KCNK13: variants seen among roughly 807,000 people sequenced by gnomAD.
KCNK13 encodes the protein potassium two pore domain channel subfamily K member 13, also known as potassium channel subfamily K member 13.
In KCNK13, 12 loss-of-function variants were observed where a neutral mutation model predicts 23.4. The ratio of observed to expected loss-of-function variants is 0.51; its 90% CI spans 0.33 to 0.83. KCNK13 has a LOEUF of 0.83. Among genes scored for constraint, KCNK13 ranks in the 40% least tolerant of loss-of-function variants. KCNK13 has a pLI of 0.02. For synonymous variants in KCNK13, 231 were observed against 229.5 expected, an observed-to-expected ratio of 1.01 and a Z score of -0.06; for missense variants, 463 against 556.3, an observed-to-expected ratio of 0.83 and a Z score of 1.69.
At chr14:90,179,831 T>C (rs1890465647) in intron 1 of KCNK13, among the ~76,000 whole-genome samples, 1 of 152,220 alleles carries the variant, frequency 6.6e-6, no homozygotes, top group South Asian at 2.1e-4. Context: ...ATATCATTTG[T>C]TGGAAGAGAC....
intron 1 of KCNK13, among the ~76,000 whole-genome samples, chr14:90,088,194 G>A (rs1051484495): frequency 5.9e-5 from 9 of 151,902 alleles, no homozygotes; most frequent in African/African-American, 2.2e-4. Context: ...GTAGAGACAG[G>A]GTTTCACCAT....
intron 1 of KCNK13, among the ~76,000 whole-genome samples, chr14:90,111,338 C>CTTA (rs1303591562): frequency 6.6e-6 from 1 of 152,170 alleles, no homozygotes; most frequent in Admixed American, 6.5e-5. Flanking sequence ...GCTCAAGCCA[C>CTTA]TTATACATTT....
At chr14:90,162,166 C>G (rs1482724595) in intron 1 of KCNK13, among the ~76,000 whole-genome samples, 1 of 152,106 alleles carries the variant, frequency 6.6e-6, no homozygotes, top group Non-Finnish European at 1.5e-5. Context: ...GCAACAGAGT[C>G]AGACCCTCTC....
intron 1 of KCNK13, among the ~76,000 whole-genome samples, chr14:90,179,441 G>T (rs1285336826): frequency 6.6e-6 from 1 of 152,158 alleles, no homozygotes. Context: ...GTTCTGTGGG[G>T]GTGGACTGGG....
chr14:90,126,441 A>G (rs1889801044), intron 1 of KCNK13, among the ~76,000 whole-genome samples: 1 of 123,194 alleles, frequency 8.1e-6, no homozygotes, highest in African/African-American at 3.0e-5. Context: ...ATGTGACGTG[A>G]TGTGACGTGA....
chr14:90,158,048 G>A (rs902696835), intron 1 of KCNK13, among the ~76,000 whole-genome samples: 2 of 152,166 alleles, frequency 1.3e-5, no homozygotes, highest in African/African-American at 2.4e-5. Context: ...ATGAACCCCC[G>A]ACCTTGGGAA....
chr14:90,139,835 G>A (rs145774461), intron 1 of KCNK13, among the ~76,000 whole-genome samples: 202 of 152,192 alleles, frequency 1.3e-3, no homozygotes, highest in African/African-American at 4.3e-3. Context: ...CATGGCACAC[G>A]CCTGTAGTCC....
At chr14:90,135,035 A>G (rs1036850982) in intron 1 of KCNK13, among the ~76,000 whole-genome samples, 5 of 152,184 alleles carry the variant, frequency 3.3e-5, no homozygotes, top group African/African-American at 1.2e-4. Context: ...TCTTACTTTC[A>G]GAATCATCAA....
intron 1 of KCNK13, among the ~76,000 whole-genome samples, chr14:90,176,270 A>C (rs536521701): frequency 7.2e-5 from 11 of 152,286 alleles, no homozygotes; most frequent in Admixed American, 2.6e-4. Flanking sequence ...TTCCCCACCG[A>C]TAACTTGAAA....
At chr14:90,101,797 A>AAAAAAAAAAAAAG in intron 1 of KCNK13, among the ~76,000 whole-genome samples, 1 of 113,900 alleles carries the variant, frequency 8.8e-6, no homozygotes, top group South Asian at 3.8e-4. Context: ...CTCCAAAAAA[A>AAAAAAAAAAAAAG]AAAAAAAAAA....
chr14:90,109,940 T>G (rs1889594941), intron 1 of KCNK13, among the ~76,000 whole-genome samples: 1 of 150,324 alleles, frequency 6.7e-6, no homozygotes, highest in African/African-American at 2.5e-5. Context: ...AATCCAAGAC[T>G]CAAGTGATCC....
intron 1 of KCNK13, among the ~76,000 whole-genome samples, chr14:90,153,155 G>T (rs1287630406): frequency 3.9e-5 from 6 of 152,128 alleles, no homozygotes; most frequent in Non-Finnish European, 7.4e-5. Flanking sequence ...CCCAGGGGAA[G>T]CCTTCTCTGA....
At chr14:90,107,857 G>C in intron 1 of KCNK13, 1 of 834,278 alleles carries the variant, frequency 1.2e-6, no homozygotes, top group Non-Finnish European at 2.1e-6. Flanking sequence ...AAGATTATTT[G>C]GAACAGCTCA....
chr14:90,107,050 T>C (rs1258662934), intron 1 of KCNK13, among the ~76,000 whole-genome samples: 1 of 151,974 alleles, frequency 6.6e-6, no homozygotes, highest in Non-Finnish European at 1.5e-5. Context: ...AATATATAAA[T>C]GCTAGAGTCT....
chr14:90,070,821 G>A (rs1183285568), intron 1 of KCNK13, among the ~76,000 whole-genome samples: 1 of 152,240 alleles, frequency 6.6e-6, no homozygotes, highest in African/African-American at 2.4e-5. Context: ...TGGTCGTGGG[G>A]AATGAGAAAA....
At chr14:90,114,212 C>T (rs1889648054) in intron 1 of KCNK13, among the ~76,000 whole-genome samples, 1 of 152,120 alleles carries the variant, frequency 6.6e-6, no homozygotes, top group African/African-American at 2.4e-5. Flanking sequence ...CCTTCGTGGA[C>T]TTGTGTGTAC....
At chr14:90,163,539 A>G (rs1026425794) in intron 1 of KCNK13, among the ~76,000 whole-genome samples, 1 of 152,168 alleles carries the variant, frequency 6.6e-6, no homozygotes. Flanking sequence ...CACATGCTTG[A>G]GCCACCAAGT....
chr14:90,137,218 G>A (rs1412928256), intron 1 of KCNK13, among the ~76,000 whole-genome samples: 1 of 152,142 alleles, frequency 6.6e-6, no homozygotes, highest in Non-Finnish European at 1.5e-5. Context: ...TAGTAACAAG[G>A]TACCTAGTGA....
intron 1 of KCNK13, among the ~76,000 whole-genome samples, chr14:90,099,742 C>G (rs937108025): frequency 6.6e-6 from 1 of 152,172 alleles, no homozygotes; most frequent in African/African-American, 2.4e-5. Context: ...GATAAACAGA[C>G]AGACAATAGG....
Sources: allele counts gnomAD v4.1 joint callset (sites outside exome capture counted in the v4.1 genomes callset), GRCh38; gene constraint gnomAD v4.1.1; transcripts MANE v1.5; gene names NCBI Gene and HGNC (gene_info 2026-07-23, HGNC 2026-07-21).